BTAF1: variants seen among roughly 807,000 people sequenced by gnomAD.
BTAF1 encodes the protein TATA-binding protein-associated factor 172.
A neutral mutation model predicts 227.1 loss-of-function variants in BTAF1; 38 were observed. The ratio of observed to expected loss-of-function variants is 0.17; its 90% CI spans 0.13 to 0.22. The LOEUF (loss-of-function observed/expected upper bound fraction) is 0.22, where lower values mean the gene tolerates loss of function less well. Ranked by LOEUF, BTAF1 falls within the 10% of genes least tolerant of loss-of-function variation. The pLI is 1.00. For synonymous variants in BTAF1, 742 were observed against 751.9 expected (o/e 0.99, Z 0.21); for missense variants, 1,598 against 2,204.0 (o/e 0.73, Z 5.51).
At chr10:91,949,015 G>A (rs938363453) in intron 4 of BTAF1, among the ~76,000 whole-genome samples, 2 of 151,966 alleles carry the variant, frequency 1.3e-5, no homozygotes, top group African/African-American at 2.4e-5. Context: ...AGTTGCTTAC[G>A]AATCTTGCAT....
chr10:92,023,815 G>A (rs932378161), intron 34 of BTAF1, among the ~76,000 whole-genome samples: 2 of 152,136 alleles, frequency 1.3e-5, no homozygotes, highest in African/African-American at 4.8e-5. Flanking sequence ...TGCATTTTTA[G>A]TAGAGACAGG....
intron 25 of BTAF1, among the ~76,000 whole-genome samples, chr10:92,001,983 TATACACACACACACAC>T (rs1202389644): frequency 1.1e-5 from 1 of 89,322 alleles, no homozygotes; most frequent in African/African-American, 3.3e-5. Flanking sequence ...TATATATATA[TATACACACACACACAC>T]ACACACACAC....
In BTAF1 at chr10:91,984,211, C is replaced by G; in HGVS notation, c.2234C>G (p.Ala745Gly). 1 of 1,613,706 alleles carries G rather than the reference C, an allele frequency of 6.2e-7. No homozygotes were observed. Among genetic ancestry groups the G allele is most frequent in the Non-Finnish European group, 8.5e-7 (1 of 1,179,794 alleles). Reference sequence around the variant, plus strand: ...TCTGTTGTATTTTAGGAGTGTAAAGCTGTTACCTTAGCTGTGCAGCCGCGT... The same window carrying G: ...TCTGTTGTATTTTAGGAGTGTAAAGGTGTTACCTTAGCTGTGCAGCCGCGT... ...EWAALQKECKAVTLAVQPRLL... is the reference protein window; with the variant it reads ...EWAALQKECKGVTLAVQPRLL... The change falls in exon 19 of 38, where the codon GCT (alanine) becomes GGT (glycine). Residue 745 changes from alanine to glycine, a missense_variant. Coordinates refer to ENST00000265990, the MANE Select transcript of BTAF1 (RefSeq NM_003972.3).
At chr10:91,926,577 C>T (rs1467550987) in intron 1 of BTAF1, among the ~76,000 whole-genome samples, 2 of 152,286 alleles carry the variant, frequency 1.3e-5, no homozygotes, top group African/African-American at 2.4e-5. Context: ...GTCCAAGACA[C>T]CTTTAGAGAG....
intron 14 of BTAF1, among the ~76,000 whole-genome samples, chr10:91,972,708 A>G (rs906055604): frequency 1.3e-5 from 2 of 152,228 alleles, no homozygotes; most frequent in Admixed American, 6.5e-5. Flanking sequence ...TTTGTGGTGC[A>G]GTTCCATGAT....
chr10:92,022,063 T>C (rs1263861173), intron 34 of BTAF1, among the ~76,000 whole-genome samples: 1 of 152,110 alleles, frequency 6.6e-6, no homozygotes, highest in East Asian at 1.9e-4. Flanking sequence ...AGTCTAGTAA[T>C]CAACTTTTCA....
chr10:92,019,959 C>T (rs868472619), intron 34 of BTAF1, among the ~76,000 whole-genome samples: 4 of 148,786 alleles, frequency 2.7e-5, no homozygotes, highest in Non-Finnish European at 5.9e-5. Flanking sequence ...TGGCCTCAAA[C>T]GATCCTCCCA....
rs1847989354 is a variant in BTAF1 at position 91,980,557 on chromosome 10, A to G, written c.1754A>G (p.Lys585Arg). The G allele has an allele frequency of 1.9e-6, 3 of 1,603,042 alleles. No individual in the cohort carries two copies. Among genetic ancestry groups the G allele is most frequent in the Middle Eastern group, 1.7e-4 (1 of 6,032 alleles). The change falls in exon 15 of 38, where the codon AAG becomes AGG. Residue 585 changes from lysine (K) to arginine (R), a missense_variant and splice_region_variant. Coordinates refer to ENST00000265990, the MANE Select transcript of BTAF1 (RefSeq NM_003972.3). ...SSQEILDLIH[K>R]VWMELLSKAS... Reference sequence around the variant, plus strand: ...CAGGAAATTCTGGACCTTATTCACAAGGTACACAGCAAATGTATTTGTGTT... The same window carrying G: ...CAGGAAATTCTGGACCTTATTCACAGGGTACACAGCAAATGTATTTGTGTT...
chr10:92,008,617 G>A (rs763178147), intron 26 of BTAF1, among the ~76,000 whole-genome samples: 9 of 151,502 alleles, frequency 5.9e-5, no homozygotes, highest in Non-Finnish European at 1.2e-4. Flanking sequence ...CCAAAGTGCT[G>A]GGATTAGAGA....
chr10:91,999,842 C>CT (rs1564707410), intron 25 of BTAF1, among the ~76,000 whole-genome samples: 1 of 152,054 alleles, frequency 6.6e-6, no homozygotes, highest in South Asian at 2.1e-4. Flanking sequence ...CATAGGATTC[C>CT]TTTTTTATTA....
rs1302649479 is a variant in BTAF1, at chr10:92,019,036, AT to A, written c.4863+106del. On this transcript the variant is annotated intron_variant, in intron 34 of 37. Transcript: ENST00000265990. The stretch of plus-strand genomic sequence containing the variant: ...AAGATTACTACTGTGTTTACCATTT[AT>A]TTTTAAATTTGGTTAAATTTTTGAT... 2.5e-6 allele frequency: 3 copies of A among 1,224,436 alleles called. No individual in the cohort carries two copies. The African/African-American group carries it at 4.6e-5, about 19-fold the overall frequency. 75.8% of individuals were successfully genotyped at this position (1,224,436 alleles called of 1,614,324 possible).
In BTAF1 at chr10:91,955,087, A is replaced by G. The variant is rs564754851; in HGVS notation, c.701+1214A>G. Among the ~76,000 whole-genome samples the G allele has an allele frequency of 7.9e-5, 12 of 152,386 alleles. No homozygotes were observed. The South Asian group carries it at 2.5e-3, about 32-fold the overall frequency. The stretch of plus-strand genomic sequence containing the variant: ...AAACATATACTTGGTAGAAATTTAT[A>G]CTTGAGGGTAAATCTTTAACTGCAA... On this transcript the variant is annotated intron_variant, in intron 6 of 37. Coordinates refer to ENST00000265990, the MANE Select transcript of BTAF1 (RefSeq NM_003972.3).
intron 1 of BTAF1, among the ~76,000 whole-genome samples, chr10:91,933,320 C>CT (rs1209637730): frequency 1.3e-5 from 2 of 152,156 alleles, no homozygotes; most frequent in Non-Finnish European, 2.9e-5. Flanking sequence ...AACAGGATGA[C>CT]AAGGCAGTTG....
intron 4 of BTAF1, among the ~76,000 whole-genome samples, chr10:91,946,363 AAAAG>A (rs1212963699): frequency 1.3e-5 from 2 of 152,352 alleles, no homozygotes; most frequent in African/African-American, 2.4e-5. Flanking sequence ...CTGTCTAAAA[AAAAG>A]AAAGAAAGAA....
chr10:91,941,852 A>G (rs374261132), intron 3 of BTAF1, among the ~76,000 whole-genome samples: 55 of 152,252 alleles, frequency 3.6e-4, no homozygotes, highest in African/African-American at 1.3e-3. Context: ...GTGGTTGGAC[A>G]CAGTTACACA....
At chr10:91,935,010 C>CTGCT (rs1435305981) in intron 1 of BTAF1, 1 of 152,100 alleles carries the variant, frequency 6.6e-6, no homozygotes. Context: ...CTTGACTTAC[C>CTGCT]TGCTCCCTTC....
chr10:92,001,983 T>TACACAC (rs1449003789), intron 25 of BTAF1, among the ~76,000 whole-genome samples: 3 of 89,334 alleles, frequency 3.4e-5, no homozygotes, highest in Admixed American at 1.3e-4. Flanking sequence ...TATATATATA[T>TACACAC]ATACACACAC....
chr10:91,944,747 C>A (rs1191408183), intron 4 of BTAF1, among the ~76,000 whole-genome samples: 1 of 152,190 alleles, frequency 6.6e-6, no homozygotes, highest in African/African-American at 2.4e-5. Flanking sequence ...TTCCCAGCAA[C>A]CATGAGTCTA....
At chr10:91,938,842 A>T (rs1157005217) in intron 2 of BTAF1, among the ~76,000 whole-genome samples, 1 of 152,158 alleles carries the variant, frequency 6.6e-6, no homozygotes, top group Non-Finnish European at 1.5e-5. Flanking sequence ...TCTGGGTAAC[A>T]CTGAGACCCC....
Sources: allele counts gnomAD v4.1 joint callset (sites outside exome capture counted in the v4.1 genomes callset), GRCh38; gene constraint gnomAD v4.1.1; transcripts MANE v1.5; gene names NCBI Gene and HGNC (gene_info 2026-07-23, HGNC 2026-07-21).